The following CDH13 variants were observed in gnomAD, a reference collection of about 807,000 sequenced individuals.
CDH13 encodes the protein cadherin-13.
A neutral mutation model predicts 63.8 loss-of-function variants in CDH13; 24 were observed. The ratio of observed to expected loss-of-function variants is 0.38; its 90% CI spans 0.27 to 0.53. The LOEUF (loss-of-function observed/expected upper bound fraction) is 0.53, where lower values mean the gene tolerates loss of function less well. Ranked by LOEUF, CDH13 falls within the 20% of genes least tolerant of loss-of-function variation. The probability of loss-of-function intolerance (pLI) is 0.85; values close to 1 mark genes in which losing one functional copy is unlikely to be tolerated. For synonymous variants in CDH13, 503 were observed against 355.3 expected (o/e 1.42, Z -4.67); for missense variants, 1,049 against 903.1 (o/e 1.16, Z -2.07).
At chr16:82,629,475 AGT>A (rs1411835778) in intron 1 of CDH13, among the ~76,000 whole-genome samples, 1 of 152,200 alleles carries the variant, frequency 6.6e-6, no homozygotes, top group Non-Finnish European at 1.5e-5. Flanking sequence ...CATAGAAAAA[AGT>A]GGGGAAAGTC....
rs559932183 is a variant in CDH13 at position 82,769,640 on chromosome 16, G to C, written c.46-88722G>C. Among the ~76,000 whole-genome samples, 24 of 152,268 alleles carry C rather than the reference G, an allele frequency of 1.6e-4. 1 individual carries two copies. The South Asian group carries it at 4.1e-3, about 26-fold the overall frequency. ...ATGAATGCTACTTTTCTTATGATAG[G>C]AATTGATTGAGGAGGATAGGAGCAA... On this transcript the variant is annotated intron_variant, in intron 1 of 13. Transcript: ENST00000567109.
At chr16:83,734,727 T>TATTATAATA (rs138464593) in intron 10 of CDH13, among the ~76,000 whole-genome samples, 4 of 141,850 alleles carry the variant, frequency 2.8e-5, no homozygotes, top group Non-Finnish European at 6.1e-5. Flanking sequence ...AAACTTAAAG[T>TATTATAATA]ATAATAATAA....
At chr16:83,392,850 C>G (rs529067949) in intron 6 of CDH13, among the ~76,000 whole-genome samples, 1 of 148,072 alleles carries the variant, frequency 6.8e-6, no homozygotes, top group East Asian at 2.0e-4. Context: ...GAGGTAGCTT[C>G]TAGAAGGAGG....
intron 8 of CDH13, among the ~76,000 whole-genome samples, chr16:83,626,905 G>A (rs535082010): frequency 1.7e-4 from 26 of 152,144 alleles, no homozygotes; most frequent in Middle Eastern, 3.4e-3. Flanking sequence ...ACCACCTTCT[G>A]CCTTGGTGTT....
At chr16:83,709,337 C>T (rs778189809) in intron 10 of CDH13, among the ~76,000 whole-genome samples, 2 of 152,188 alleles carry the variant, frequency 1.3e-5, no homozygotes, top group Non-Finnish European at 2.9e-5. Context: ...GACACAGGAA[C>T]CTGAGATATT....
chr16:83,005,481 A>G (rs1195346902), intron 2 of CDH13, among the ~76,000 whole-genome samples: 1 of 151,836 alleles, frequency 6.6e-6, no homozygotes, highest in Non-Finnish European at 1.5e-5. Context: ...GAGCTAGGCC[A>G]CTCCCACCAA....
At chr16:83,775,724 A>T (rs890186579) in intron 11 of CDH13, among the ~76,000 whole-genome samples, 1 of 148,278 alleles carries the variant, frequency 6.7e-6, no homozygotes, top group African/African-American at 2.5e-5. Context: ...TCTCAAAAAT[A>T]AAAAAAAAGA....
chr16:82,752,496 C>G (rs973911022), intron 1 of CDH13, among the ~76,000 whole-genome samples: 1 of 152,216 alleles, frequency 6.6e-6, no homozygotes, highest in Non-Finnish European at 1.5e-5. Flanking sequence ...CTGTACAGTT[C>G]TTGATTGGTT....
At chr16:83,412,630 G>A (rs990572031) in intron 6 of CDH13, among the ~76,000 whole-genome samples, 2 of 152,192 alleles carry the variant, frequency 1.3e-5, no homozygotes, top group Non-Finnish European at 2.9e-5. Context: ...TCTCAGCGGG[G>A]AGAAGGTGGG....
At chr16:83,616,683 G>T (rs7193070) in intron 8 of CDH13, among the ~76,000 whole-genome samples, 55,848 of 151,990 alleles carry the variant, frequency 0.37, 10,544 homozygotes, top group African/African-American at 0.44. Flanking sequence ...GAACACAGGA[G>T]TTCAGAAATA....
chr16:83,327,865 G>C lies in CDH13; in HGVS notation c.637-16997G>C, dbSNP rs1296983874. 2.6e-5 allele frequency among the ~76,000 whole-genome samples: 4 copies of C among 152,362 alleles called. No homozygotes were observed. The South Asian group carries it at 8.3e-4, about 32-fold the overall frequency. On this transcript the variant is annotated intron_variant, in intron 5 of 13. Transcript: ENST00000567109. ...TAACACCTGGTGGCTGGGCGCAGTG[G>C]CTTACGCCTGTAATCCCAGCACTTT...
chr16:83,677,152 C>A (rs943351897), intron 9 of CDH13, among the ~76,000 whole-genome samples: 1 of 152,166 alleles, frequency 6.6e-6, no homozygotes, highest in Admixed American at 6.5e-5. Flanking sequence ...GACAGAGACC[C>A]ACTCTGGGAA....
At chr16:82,642,055 T>C (rs143779649) in intron 1 of CDH13, among the ~76,000 whole-genome samples, 2 of 150,462 alleles carry the variant, frequency 1.3e-5, no homozygotes, top group East Asian at 3.9e-4. Context: ...CCCTATGCGG[T>C]TTATTTTTGA....
At chr16:83,104,794 C>T (rs1436752092) in intron 3 of CDH13, among the ~76,000 whole-genome samples, 1 of 152,106 alleles carries the variant, frequency 6.6e-6, no homozygotes, top group African/African-American at 2.4e-5. Flanking sequence ...TTAGAGTTTG[C>T]AGCCATAACA....
chr16:83,149,675 A>G (rs1041605396), intron 4 of CDH13, among the ~76,000 whole-genome samples: 3 of 152,186 alleles, frequency 2.0e-5, no homozygotes, highest in African/African-American at 7.2e-5. Context: ...TAAAAGCCCT[A>G]TCATCAGTAG....
chr16:83,624,343 C>CCG (rs1481226660), intron 8 of CDH13, among the ~76,000 whole-genome samples: 7 of 151,588 alleles, frequency 4.6e-5, no homozygotes, highest in African/African-American at 1.2e-4. Flanking sequence ...ATAACGCCCC[C>CCG]ACCCCTGCCC....
chr16:83,572,174 TG>T (rs1056296823), intron 7 of CDH13, among the ~76,000 whole-genome samples: 2,906 of 58,864 alleles, frequency 0.049, 81 homozygotes, highest in African/African-American at 0.14. Context: ...CACTTTCCTG[TG>T]GTGTGTGTGT....
chr16:83,212,921 C>T (rs1477081066), intron 4 of CDH13, among the ~76,000 whole-genome samples: 2 of 152,194 alleles, frequency 1.3e-5, no homozygotes, highest in African/African-American at 4.8e-5. Flanking sequence ...GAAAGCAAGG[C>T]CCCTACTGGA....
intron 2 of CDH13, among the ~76,000 whole-genome samples, chr16:82,988,662 C>T (rs1008095760): frequency 1.3e-5 from 2 of 151,268 alleles, no homozygotes; most frequent in African/African-American, 2.4e-5. Flanking sequence ...TCTGGAGGCC[C>T]GAGACAGGAG....
Sources: gnomAD v4.1 joint callset for allele counts (sites outside exome capture counted in the v4.1 genomes callset) on GRCh38, gnomAD v4.1.1 for gene constraint, MANE v1.5 for transcripts, NCBI Gene and HGNC (gene_info 2026-07-23, HGNC 2026-07-21) for gene names.